ANXA2: variants seen among roughly 807,000 people sequenced by gnomAD.
ANXA2 encodes annexin A2.
A neutral mutation model predicts 47.3 loss-of-function variants in ANXA2; 28 were observed. That is an observed-to-expected ratio of 0.59 (90% CI 0.44 to 0.81). The LOEUF is 0.81. ANXA2 is among the 40% of genes least tolerant of loss of function. ANXA2 has a pLI of 0.00. For synonymous variants in ANXA2, 172 were observed against 155.5 expected, an observed-to-expected ratio of 1.11 and a Z score of -0.79; for missense variants, 384 against 414.3, an observed-to-expected ratio of 0.93 and a Z score of 0.64.
rs774677802 is a variant in ANXA2 at position 60,351,212 on chromosome 15, C to T, written c.818G>A (p.Arg273Gln). 2.4e-5 allele frequency: 38 copies of T among 1,614,148 alleles called. No individual in the cohort carries two copies. The Middle Eastern group carries it at 4.9e-4, about 21-fold the overall frequency. Residue 273 changes from arginine (R) to glutamine (Q), a missense_variant, in exon 11 of 13, where the codon CGG (arginine) becomes CAG (glutamine). Physicochemically the swap from Arg to Gln is conservative, Grantham distance 43. Coordinates refer to ENST00000451270, the MANE Select transcript of ANXA2 (RefSeq NM_004039.3). ...CCTTACCTTCATGGAGTCATACAGC[C>T]GATCAGCAAAATACAGGGGCTTGTT... ...IQNKPLYFAD[R>Q]LYDSMKGKGT... is the part of the protein sequence containing the mutation.
chr15:60,364,158 A>G (rs563853402), intron 4 of ANXA2, among the ~76,000 whole-genome samples: 6 of 152,258 alleles, frequency 3.9e-5, no homozygotes, highest in South Asian at 2.1e-4. Flanking sequence ...AGAAGCGCGA[A>G]CCCTACTGTG....
chr15:60,366,023 T>A (rs1008711512), intron 3 of ANXA2, among the ~76,000 whole-genome samples: 1 of 138,888 alleles, frequency 7.2e-6, no homozygotes, highest in Non-Finnish European at 1.6e-5. Flanking sequence ...TGGTTTTCGT[T>A]TTTTTTTGGT....
intron 2 of ANXA2, chr15:60,384,183 T>G (rs1180202207): frequency 2.6e-5 from 4 of 152,226 alleles, no homozygotes; most frequent in Admixed American, 1.3e-4. Context: ...AGCTATAAAA[T>G]GTGGATGAAA....
intron 2 of ANXA2, chr15:60,384,281 G>A (rs1250467019): frequency 6.6e-6 from 1 of 152,238 alleles, no homozygotes; most frequent in Non-Finnish European, 1.5e-5. Flanking sequence ...TATCATGTAT[G>A]ACTGCATTTA....
chr15:60,357,403 T>C (rs1427804019), intron 5 of ANXA2, among the ~76,000 whole-genome samples, 167 bp from the exon 6 acceptor site: 1 of 152,192 alleles, frequency 6.6e-6, no homozygotes, highest in Non-Finnish European at 1.5e-5. Flanking sequence ...CACAAAGTAA[T>C]GGCATTTTCT....
chr15:60,389,338 T>C (rs1405667658), intron 1 of ANXA2, among the ~76,000 whole-genome samples: 1 of 152,210 alleles, frequency 6.6e-6, no homozygotes, highest in African/African-American at 2.4e-5. Flanking sequence ...ACACCTCACA[T>C]TGGTTCCGAT....
chr15:60,397,426 C>G (rs2063095620), intron 1 of ANXA2: 2 of 610,194 alleles, frequency 3.3e-6, no homozygotes, highest in Non-Finnish European at 4.1e-6. Flanking sequence ...TCTCGTCTTC[C>G]CCCGCTACTT....
intron 1 of ANXA2, among the ~76,000 whole-genome samples, chr15:60,391,966 C>T (rs1440998586): frequency 6.6e-6 from 1 of 151,854 alleles, no homozygotes; most frequent in African/African-American, 2.4e-5. Context: ...AGTGCCGTGC[C>T]TTCCATTCCC....
chr15:60,349,148 C>T lies in ANXA2; in HGVS notation c.887G>A (p.Ser296Asn), dbSNP rs1304377032. The change falls in exon 12 of 13, where the codon AGT becomes AAT. Residue 296 changes from serine to asparagine, a missense_variant. Coordinates refer to ENST00000451270, the MANE Select transcript of ANXA2 (RefSeq NM_004039.3). The part of the protein sequence containing the change: ...KVLIRIMVSR[S>N]EVDMLKIRSE... ...CCTAATTTTCAACATGTCCACTTCA[C>T]TGCGGGAGACCATGATTCTGATCAG... The T allele has an allele frequency of 6.2e-7, 1 of 1,613,976 alleles. No homozygotes were observed. Among genetic ancestry groups the T allele is most frequent in the African/African-American group, 1.3e-5 (1 of 74,944 alleles).
At chr15:60,356,933 G>C (rs1023842750) in intron 6 of ANXA2, among the ~76,000 whole-genome samples, 5 of 152,198 alleles carry the variant, frequency 3.3e-5, no homozygotes, top group African/African-American at 1.2e-4. Flanking sequence ...TAACACAGAA[G>C]TTCTAGTGGA....
intron 1 of ANXA2, chr15:60,397,165 C>T: frequency 1.4e-6 from 1 of 697,284 alleles, no homozygotes; most frequent in Non-Finnish European, 1.8e-6. Flanking sequence ...GCCCCGGGGC[C>T]ACGCCCTTCT....
intron 3 of ANXA2, among the ~76,000 whole-genome samples, chr15:60,379,206 A>T (rs1362768755): frequency 1.3e-5 from 2 of 152,074 alleles, no homozygotes; most frequent in Non-Finnish European, 2.9e-5. Flanking sequence ...TGAACCCAGG[A>T]GGCAGAGGTT....
At chr15:60,362,597 T>A (rs1419458512) in intron 4 of ANXA2, 2 of 152,214 alleles carry the variant, frequency 1.3e-5, no homozygotes, top group Non-Finnish European at 2.9e-5. Context: ...CCTAAAGAAC[T>A]CTGCAGCACA....
rs185878054 is a variant in ANXA2, at chr15:60,352,519, T to A, written c.589-43A>T. 5 of 1,384,460 alleles carry A rather than the reference T, an allele frequency of 3.6e-6. No individual in the cohort carries two copies. In the Admixed American group the frequency reaches 1.0e-4, roughly 28 times the overall value. The allele number at this position is 1,384,460 out of a possible 1,614,324, so 85.8% of individuals were successfully genotyped here. A position where few individuals can be genotyped will look rare whatever the true frequency, so the allele number is the denominator to read the frequency against. Reference sequence around the variant, plus strand: ...CAGGAAAAGTTAACTACACATCCAATGTAACGTCAAAAAAAATGTCATGCA... The same window carrying A: ...CAGGAAAAGTTAACTACACATCCAAAGTAACGTCAAAAAAAATGTCATGCA... On this transcript the variant is annotated intron_variant, in intron 8 of 12. Transcript: ENST00000451270. The surrounding 1 kb of genome is among the most constrained non-coding windows in gnomAD (Gnocchi z 4.2).
intron 3 of ANXA2, among the ~76,000 whole-genome samples, chr15:60,370,548 G>T (rs747820511): frequency 1.6e-4 from 25 of 152,168 alleles, no homozygotes; most frequent in Non-Finnish European, 3.5e-4. Context: ...GTGAAAAATT[G>T]TTCAGTACAG....
At chr15:60,387,187 G>A (rs149167424) in intron 1 of ANXA2, 2 of 152,314 alleles carry the variant, frequency 1.3e-5, no homozygotes, top group Non-Finnish European at 2.9e-5. Flanking sequence ...TGTAAGAGGA[G>A]AGGATTCGCC....
intron 3 of ANXA2, among the ~76,000 whole-genome samples, chr15:60,371,741 T>C (rs2062713044): frequency 6.6e-6 from 1 of 152,194 alleles, no homozygotes; most frequent in African/African-American, 2.4e-5. Flanking sequence ...CATACCAGTA[T>C]CAAAGCTGAG....
intron 1 of ANXA2, 38 bp from the exon 2 acceptor site, chr15:60,386,124 G>A (rs774003346): frequency 7.1e-7 from 1 of 1,409,474 alleles, no homozygotes; most frequent in South Asian, 1.2e-5. Flanking sequence ...TTATGAAGAG[G>A]CTCTCCTTTA....
intron 3 of ANXA2, among the ~76,000 whole-genome samples, chr15:60,372,071 C>T (rs2062718006): frequency 1.3e-5 from 2 of 152,136 alleles, no homozygotes; most frequent in South Asian, 2.1e-4. Flanking sequence ...ATCACTTGAA[C>T]CTGGGAGACA....
Sources: gnomAD v4.1 joint callset for allele counts (sites outside exome capture counted in the v4.1 genomes callset) on GRCh38, gnomAD v4.1.1 for gene constraint, Gnocchi (gnomAD v3.1) non-coding constraint, MANE v1.5 for transcripts, NCBI Gene and HGNC (gene_info 2026-07-23, HGNC 2026-07-21) for gene names.